The following ADCY10 variants were observed in gnomAD, a reference collection of about 807,000 sequenced individuals.
ADCY10 encodes the protein adenylate cyclase 10, also known as adenylate cyclase type 10.
A neutral mutation model predicts 183.3 loss-of-function variants in ADCY10; 156 were observed. The observed-to-expected ratio is 0.85, with a 90% CI of 0.75 to 0.97. The LOEUF (loss-of-function observed/expected upper bound fraction) is 0.97. Ranked by LOEUF, ADCY10 falls within the 50% of genes least tolerant of loss-of-function variation. ADCY10 has a pLI of 0.00. For synonymous variants in ADCY10, 645 were observed against 670.0 expected (o/e 0.96, Z 0.58); for missense variants, 1,745 against 1,934.3 (o/e 0.90, Z 1.84).
intron 14 of ADCY10, among the ~76,000 whole-genome samples, chr1:167,862,222 C>A (rs1270646006): frequency 2.0e-5 from 3 of 152,142 alleles, no homozygotes; most frequent in Non-Finnish European, 4.4e-5. Context: ...AAATTCTTAG[C>A]CTCTAGGGCC....
At chr1:167,882,357 TGCCTGTAATCCCA>T (rs1317204280) in intron 9 of ADCY10, among the ~76,000 whole-genome samples, 2 of 151,850 alleles carry the variant, frequency 1.3e-5, no homozygotes, top group Non-Finnish European at 2.9e-5. Flanking sequence ...TGGTGGCGCA[TGCCTGTAATCCCA>T]GCTACTCAGG....
At chr1:167,883,354 T>C (rs993255968) in intron 9 of ADCY10, 83 bp downstream of exon 9, 6 of 1,491,562 alleles carry the variant, frequency 4.0e-6, no homozygotes, top group Non-Finnish European at 5.6e-6. Context: ...TTAAATTTCC[T>C]GTGTCTATTC....
intron 17 of ADCY10, 113 bp from the exon 18 acceptor site, chr1:167,854,602 TTC>T (rs761222911): frequency 5.4e-5 from 74 of 1,375,916 alleles, no homozygotes; most frequent in Non-Finnish European, 7.2e-5. Flanking sequence ...CTTCATTTGT[TTC>T]TGTTTGTTTT....
At chr1:167,821,563 G>C (rs1662912250) in intron 30 of ADCY10, among the ~76,000 whole-genome samples, 1 of 152,226 alleles carries the variant, frequency 6.6e-6, no homozygotes, top group Non-Finnish European at 1.5e-5. Flanking sequence ...ACTGCCTGCT[G>C]CTGAATGGGT....
At position 167,834,744 on chromosome 1, in the gene ADCY10, G is replaced by A. The variant is rs115286767; in HGVS notation, c.3310-667C>T. 698 of 155,734 alleles carry A rather than the reference G, an allele frequency of 4.5e-3. 5 individuals carry two copies. The highest frequency in any genetic ancestry group is 0.016 in the African/African-American group (678 of 41,566). 9.6% of individuals were successfully genotyped at this position (155,734 alleles called of 1,614,324 possible). A position where few individuals can be genotyped will look rare whatever the true frequency, so the allele number is the denominator to read the frequency against. ...AAAAAGAGGGAGACATGATGAGTTGGCCACCAGCCCCAGTCCCACTGGAGT... is the reference window on the plus strand; with the variant it reads ...AAAAAGAGGGAGACATGATGAGTTGACCACCAGCCCCAGTCCCACTGGAGT... On this transcript the variant is annotated intron_variant, in intron 23 of 32. Transcript: ENST00000367851.
At position 167,880,550 on chromosome 1, in the gene ADCY10, A is replaced by T; in HGVS notation, c.1080T>A (p.Thr360=). ...TATCCATAGCACATTCCAGAGCATG[A>T]GTGAGCTCGTCAGGTACCTTTTCCC... ...FPGEKVPDEL[T]HALECAMDIF... The change falls in exon 10 of 33, where the codon ACT becomes ACA. Residue 360 remains threonine, a synonymous_variant. Transcript: ENST00000367851. 6.2e-7 allele frequency: 1 copy of T among 1,614,184 alleles called. No individual in the cohort carries two copies. Among genetic ancestry groups the T allele is most frequent in the Non-Finnish European group, 8.5e-7 (1 of 1,180,042 alleles).
chr1:167,904,976 A>G lies in ADCY10; in HGVS notation c.148+17T>C. 2 of 1,614,222 alleles carry G rather than the reference A, an allele frequency of 1.2e-6. No homozygotes were observed. The highest frequency in any genetic ancestry group is 8.5e-7 in the Non-Finnish European group (1 of 1,180,040). ...TGTTGCTCATCCACATTAAACAAAC[A>G]TCCCTTTTGCACTTGCCTGAAATAT... On this transcript the variant is annotated intron_variant, in intron 2 of 32. Coordinates refer to ENST00000367851, the MANE Select transcript of ADCY10 (RefSeq NM_018417.6).
chr1:167,854,486 G>A lies in ADCY10; in HGVS notation c.2175C>T (p.Tyr725=), dbSNP rs778474677. Residue 725 remains tyrosine (Y), a synonymous_variant, in exon 18 of 33, where the codon TAC becomes TAT. Coordinates refer to ENST00000367851, the MANE Select transcript of ADCY10 (RefSeq NM_018417.6). ...GAATCCCACAGCTTCCCTCCCCCAG[G>A]TACCTGTAGTGAAAACAAGGCAATC... ...VSCISKELDS[Y]LGEGSCGIPF... 1 of 1,614,030 alleles carries A rather than the reference G, an allele frequency of 6.2e-7. No individual in the cohort carries two copies. The highest frequency in any genetic ancestry group is 8.5e-7 in the Non-Finnish European group (1 of 1,180,000).
rs200807095 is a variant in ADCY10, at chr1:167,818,237, A to C, written c.4317T>G (p.Phe1439Leu). ...WYARLQEWDNFYKFSNRAKNL... is the reference protein window; with the variant it reads ...WYARLQEWDNLYKFSNRAKNL... ...TTTTAGCTCTATTGGAAAATTTGTAAAAGTTGTCCCATTCCTGAAGTCTGG... is the reference window on the plus strand; with the variant it reads ...TTTTAGCTCTATTGGAAAATTTGTACAAGTTGTCCCATTCCTGAAGTCTGG... The change falls in exon 31 of 33, where the codon TTT becomes TTG. Residue 1439 changes from phenylalanine (F) to leucine (L), a missense_variant. Physicochemically the swap from Phe to Leu is conservative, Grantham distance 22. Transcript: ENST00000367851. 6.2e-7 allele frequency: 1 copy of C among 1,614,038 alleles called. No individual in the cohort carries two copies. The highest frequency in any genetic ancestry group is 1.3e-5 in the African/African-American group (1 of 74,914).
At position 167,913,490 on chromosome 1, in the gene ADCY10, T is replaced by C. The variant is rs146740679; in HGVS notation, c.-59+486A>G. 1.8e-4 allele frequency among the ~76,000 whole-genome samples: 28 copies of C among 152,354 alleles called. No homozygotes were observed. In the East Asian group the frequency reaches 5.4e-3, roughly 29 times the overall value. On this transcript the variant is annotated intron_variant, in intron 1 of 32. Transcript: ENST00000367851. ...ACTCTAGCCATGGTAATTTTTCTTC[T>C]GAGCTATTGTGGCTCTTAATGTCTA... is the stretch of plus-strand genomic sequence containing the variant.
chr1:167,820,252 C>G (rs1269731992), intron 30 of ADCY10: 1 of 1,506,698 alleles, frequency 6.6e-7, no homozygotes, highest in Non-Finnish European at 9.0e-7. Context: ...GGTCCATCGT[C>G]GTCGCCACCA....
At chr1:167,895,583 T>C (rs1361887706) in intron 7 of ADCY10, among the ~76,000 whole-genome samples, 2 of 152,226 alleles carry the variant, frequency 1.3e-5, no homozygotes, top group Non-Finnish European at 2.9e-5. Flanking sequence ...GATGCCTATT[T>C]GACATCCAGT....
intron 18 of ADCY10, among the ~76,000 whole-genome samples, chr1:167,850,023 T>C (rs1665346968): frequency 2.0e-5 from 3 of 152,078 alleles, no homozygotes; most frequent in African/African-American, 7.2e-5. Flanking sequence ...GACTGGACTT[T>C]ATAGACAAGA....
rs748148782 is a variant in ADCY10 at position 167,824,803 on chromosome 1, T to C, written c.3803A>G (p.Lys1268Arg). Residue 1268 changes from lysine (K) to arginine (R), a missense_variant, in exon 27 of 33, where the codon AAA (lysine) becomes AGA (arginine). By Grantham distance (26) the Lys-to-Arg change is conservative (BLOSUM62 2). Coordinates refer to ENST00000367851, the MANE Select transcript of ADCY10 (RefSeq NM_018417.6). Reference sequence around the variant, plus strand: ...GACTTCATATTTGAACCACACACCTTTGTAGCCAGCCAGGTGGTGGTATAG... The same window carrying C: ...GACTTCATATTTGAACCACACACCTCTGTAGCCAGCCAGGTGGTGGTATAG... ...YSLYHHLAGYKGVWFKYEVMA... is the reference protein window; with the variant it reads ...YSLYHHLAGYRGVWFKYEVMA... 1.7e-5 allele frequency: 27 copies of C among 1,614,090 alleles called. No homozygotes were observed. The highest frequency in any genetic ancestry group is 2.1e-5 in the Non-Finnish European group (25 of 1,180,036).
At chr1:167,903,825 C>G in intron 3 of ADCY10, 62 bp downstream of exon 3, 16 of 1,236,202 alleles carry the variant, frequency 1.3e-5, no homozygotes, top group Non-Finnish European at 1.8e-5. Context: ...TTATAATTGA[C>G]AACTACGGAA....
At chr1:167,821,569 T>C (rs1662912394) in intron 30 of ADCY10, among the ~76,000 whole-genome samples, 1 of 152,220 alleles carries the variant, frequency 6.6e-6, no homozygotes, top group African/African-American at 2.4e-5. Context: ...TGCTGCTGAA[T>C]GGGTTAAGTC....
chr1:167,823,256 C>T, intron 28 of ADCY10, 133 bp from the exon 29 acceptor site: 1 of 681,016 alleles, frequency 1.5e-6, no homozygotes, highest in Non-Finnish European at 2.6e-6. Context: ...GAAACCCCAT[C>T]TCCACTAAAA....
Position 167,896,633 on chromosome 1 carries a change from G to A in ADCY10, c.701C>T (p.Thr234Met), listed in dbSNP as rs16859886. The stretch of plus-strand genomic sequence containing the variant: ...AGAAGGATAATAATGCATGAAGGTC[G>A]TACACTTTGTGAAAAATTCATCAAA... ...FNFDEFFTKC[T>M]TFMHYYPSGE... Residue 234 changes from threonine (T) to methionine (M), a missense_variant, in exon 7 of 33, where the codon ACG (threonine) becomes ATG (methionine). By Grantham distance (81) the Thr-to-Met change is moderately conservative. Coordinates refer to ENST00000367851, the MANE Select transcript of ADCY10 (RefSeq NM_018417.6). 0.077 allele frequency: 123,354 copies of A among 1,611,658 alleles called. 5,435 individuals are homozygous for A. Among genetic ancestry groups the A allele is most frequent in the African/African-American group, 0.15 (11,589 of 74,880 alleles).
intron 14 of ADCY10, among the ~76,000 whole-genome samples, chr1:167,869,124 T>TAC (rs1666904566): frequency 6.6e-6 from 1 of 152,214 alleles, no homozygotes; most frequent in Admixed American, 6.5e-5. Flanking sequence ...CATATGCCCG[T>TAC]ACGAGTGTAG....
Sources: allele counts gnomAD v4.1 joint callset (sites outside exome capture counted in the v4.1 genomes callset), GRCh38; gene constraint gnomAD v4.1.1; transcripts MANE v1.5; gene names NCBI Gene and HGNC (gene_info 2026-07-23, HGNC 2026-07-21).